The following ZNRF3 variants were observed in gnomAD, a reference collection of about 807,000 sequenced individuals.
The protein encoded by ZNRF3 is E3 ubiquitin-protein ligase ZNRF3.
In ZNRF3, 23 loss-of-function variants were observed where a neutral mutation model predicts 72.5. That is an observed-to-expected ratio of 0.32 (90% CI 0.23 to 0.45). ZNRF3 has a LOEUF of 0.45. Among genes scored for constraint, ZNRF3 ranks in the 20% least tolerant of loss-of-function variants. The pLI, the probability that ZNRF3 is intolerant of heterozygous loss-of-function variation, is 1.00. For missense variants in ZNRF3, 1,169 were observed against 1,272.1 expected (o/e 0.92, Z 1.23); for synonymous variants, 610 against 545.3 (o/e 1.12, Z -1.65).
At chr22:29,021,368 AAAATT>A (rs2036536614) in intron 2 of ZNRF3, among the ~76,000 whole-genome samples, 1 of 152,236 alleles carries the variant, frequency 6.6e-6, no homozygotes. Context: ...TATATTAACT[AAAATT>A]AAATGCATTC....
intron 2 of ZNRF3, among the ~76,000 whole-genome samples, chr22:29,037,842 C>T (rs1309889439): frequency 6.6e-6 from 1 of 152,134 alleles, no homozygotes; most frequent in Non-Finnish European, 1.5e-5. Context: ...TGAAGATACC[C>T]TTGTGGGTGG....
Position 29,016,024 on chromosome 22 carries a change from A to AAC in ZNRF3, c.427-26470_427-26469insCA, listed in dbSNP as rs1555984147. On this transcript the variant is annotated intron_variant, in intron 2 of 8. Coordinates refer to ENST00000544604, the MANE Select transcript of ZNRF3 (RefSeq NM_001206998.2). The stretch of plus-strand genomic sequence containing the variant: ...AGAGTGAAACTGTCTCAAAAAAAAA[A>AAC]AAAAACAAAAAAACTGAAACTGGCT... Among the ~76,000 whole-genome samples, 111 of 143,030 alleles carry AAC rather than the reference A, an allele frequency of 7.8e-4. 1 individual carries two copies. Among genetic ancestry groups the AAC allele is most frequent in the African/African-American group, 2.9e-3 (103 of 35,840 alleles). 93.8% of individuals were successfully genotyped at this position (143,030 alleles called of 152,430 possible). A position where few individuals can be genotyped will look rare whatever the true frequency, so the allele number is the denominator to read the frequency against.
chr22:28,898,835 C>T (rs1278637783), intron 1 of ZNRF3, among the ~76,000 whole-genome samples: 3 of 150,214 alleles, frequency 2.0e-5, no homozygotes, highest in South Asian at 2.1e-4. Context: ...ATTTAGCAAA[C>T]GTTTGATTTT....
At chr22:29,018,014 C>A (rs778376984) in intron 2 of ZNRF3, 2 of 518,988 alleles carry the variant, frequency 3.9e-6, no homozygotes, top group East Asian at 1.1e-4. Context: ...TATGCCTTAA[C>A]TTTTCAGAAA....
At chr22:28,935,845 C>T (rs188808294) in intron 1 of ZNRF3, among the ~76,000 whole-genome samples, 1 of 152,248 alleles carries the variant, frequency 6.6e-6, no homozygotes, top group East Asian at 1.9e-4. Flanking sequence ...CCCGAATTCC[C>T]GACCATCCCA....
At chr22:28,961,723 GA>G (rs2035363106) in intron 1 of ZNRF3, among the ~76,000 whole-genome samples, 2 of 152,156 alleles carry the variant, frequency 1.3e-5, no homozygotes, top group Admixed American at 1.3e-4. Flanking sequence ...GTCCAGAGGG[GA>G]AAAAAATGCT....
chr22:29,042,967 G>A (rs761614807), intron 3 of ZNRF3, among the ~76,000 whole-genome samples: 2 of 152,106 alleles, frequency 1.3e-5, no homozygotes, highest in Non-Finnish European at 2.9e-5. Context: ...TAGAGATGGG[G>A]TTTCACCATG....
At chr22:29,045,213 T>C (rs1419000902) in intron 5 of ZNRF3, among the ~76,000 whole-genome samples, 1 of 151,800 alleles carries the variant, frequency 6.6e-6, no homozygotes, top group African/African-American at 2.4e-5. Flanking sequence ...ATACAAAAAT[T>C]AGCTGGGCAT....
intron 1 of ZNRF3, among the ~76,000 whole-genome samples, chr22:28,983,797 A>C (rs2035807325): frequency 6.6e-6 from 1 of 152,258 alleles, no homozygotes; most frequent in Non-Finnish European, 1.5e-5. Flanking sequence ...GTTTATAAAC[A>C]AAGGGTAGGA....
At chr22:29,024,612 G>C (rs1360196586) in intron 2 of ZNRF3, among the ~76,000 whole-genome samples, 1 of 151,986 alleles carries the variant, frequency 6.6e-6, no homozygotes, top group African/African-American at 2.4e-5. Context: ...ATAACTACTA[G>C]AACACCATGA....
intron 1 of ZNRF3, among the ~76,000 whole-genome samples, chr22:28,970,163 C>T (rs1160479692): frequency 6.6e-6 from 1 of 152,092 alleles, no homozygotes; most frequent in Non-Finnish European, 1.5e-5. Context: ...ATAGAAAGAA[C>T]TCTGAAAATT....
At chr22:29,031,786 G>T (rs924296476) in intron 2 of ZNRF3, among the ~76,000 whole-genome samples, 1 of 152,170 alleles carries the variant, frequency 6.6e-6, no homozygotes, top group African/African-American at 2.4e-5. Flanking sequence ...GCTCTCCATC[G>T]TGTTAACCGC....
In ZNRF3 at chr22:28,955,756, T is replaced by TAA. The variant is rs879724130; in HGVS notation, c.301-31307_301-31306dup. Reference sequence around the variant, plus strand: ...CAACATAGCGAGACCCTGTCTCTATTAAAAAAAAAAAAAAGAGCCAGGCAT... The same window carrying TAA: ...CAACATAGCGAGACCCTGTCTCTATTAAAAAAAAAAAAAAAAGAGCCAGGCAT... On this transcript the variant is annotated intron_variant, in intron 1 of 8. Coordinates refer to ENST00000544604, the MANE Select transcript of ZNRF3 (RefSeq NM_001206998.2). 4.2e-3 allele frequency among the ~76,000 whole-genome samples: 586 copies of TAA among 139,032 alleles called. 2 individuals carry two copies. The highest frequency in any genetic ancestry group is 0.014 in the African/African-American group (545 of 37,896). The allele number at this position is 139,032 out of a possible 152,430, so 91.2% of individuals were successfully genotyped here. A position where few individuals can be genotyped will look rare whatever the true frequency, so the allele number is the denominator to read the frequency against.
chr22:29,050,602 G>C lies in ZNRF3; in HGVS notation c.2421G>C (p.Gln807His). The change falls in exon 8 of 9, where the codon CAG (glutamine) becomes CAC (histidine). Residue 807 changes from glutamine (Q) to histidine (H), a missense_variant. Gln to His is a conservative substitution (Grantham distance 24, BLOSUM62 0). This residue lies in a region of ZNRF3 where 783 missense variants were observed against 731.4 expected (regional missense o/e 1.07). Coordinates refer to ENST00000544604, the MANE Select transcript of ZNRF3 (RefSeq NM_001206998.2). ...CTGAGGACTACTCGGTGAGTGTGCA[G>C]TACACGCTCACCGAGGAACCACCGC... is the stretch of plus-strand genomic sequence containing the variant. ...CYTEDYSVSV[Q>H]YTLTEEPPPG... The C allele has an allele frequency of 6.2e-7, 1 of 1,609,288 alleles. No homozygotes were observed. The highest frequency in any genetic ancestry group is 8.5e-7 in the Non-Finnish European group (1 of 1,178,328).
chr22:29,012,020 A>C (rs1162958807), intron 2 of ZNRF3, among the ~76,000 whole-genome samples: 1 of 152,206 alleles, frequency 6.6e-6, no homozygotes, highest in African/African-American at 2.4e-5. Flanking sequence ...CCAAAACAAA[A>C]AGGCCTGGTC....
At chr22:28,926,399 C>G (rs1178477155) in intron 1 of ZNRF3, among the ~76,000 whole-genome samples, 2 of 151,354 alleles carry the variant, frequency 1.3e-5, no homozygotes, top group East Asian at 3.9e-4. Context: ...CCTAGGCAGA[C>G]CTCGAACTCC....
chr22:28,913,160 A>G (rs1409778703), intron 1 of ZNRF3, among the ~76,000 whole-genome samples: 1 of 152,264 alleles, frequency 6.6e-6, no homozygotes, highest in Non-Finnish European at 1.5e-5. Context: ...CCTGAAGAAC[A>G]GCAGTCCTGC....
At chr22:28,961,071 TGAG>T (rs920536975) in intron 1 of ZNRF3, among the ~76,000 whole-genome samples, 2 of 152,248 alleles carry the variant, frequency 1.3e-5, no homozygotes, top group African/African-American at 4.8e-5. Context: ...TTCTCACAGT[TGAG>T]GAGGCTGGAA....
chr22:28,979,192 C>T (rs1341233052), intron 1 of ZNRF3, among the ~76,000 whole-genome samples: 1 of 152,182 alleles, frequency 6.6e-6, no homozygotes, highest in African/African-American at 2.4e-5. Flanking sequence ...AAGCCATCGT[C>T]CTGGGATTTC....
Sources: gnomAD v4.1 joint callset for allele counts (sites outside exome capture counted in the v4.1 genomes callset) on GRCh38, gnomAD v4.1.1 for gene constraint, gnomAD v4.1.1 regional missense constraint, MANE v1.5 for transcripts, NCBI Gene and HGNC (gene_info 2026-07-23, HGNC 2026-07-21) for gene names.